ZC3H7B: variants seen among roughly 807,000 people sequenced by gnomAD.
The protein encoded by ZC3H7B is zinc finger CCCH-type containing 7B.
In ZC3H7B, 35 loss-of-function variants were observed where a neutral mutation model predicts 116.0. The ratio of observed to expected loss-of-function variants is 0.30; its 90% CI spans 0.23 to 0.40. The LOEUF is 0.40. ZC3H7B is among the 10% of genes least tolerant of loss of function. The pLI is 1.00. For missense variants in ZC3H7B, 1,011 were observed against 1,321.5 expected (o/e 0.77, Z 3.64); for synonymous variants, 502 against 545.6 (o/e 0.92, Z 1.11).
chr22:41,357,043 G>A lies in ZC3H7B; in HGVS notation c.2682-134G>A. The stretch of plus-strand genomic sequence containing the variant: ...ATCCCAGAGAGGGTCAGGACACCCA[G>A]GTTTTCCCTGAGCTGGGACCCAGCT... On this transcript the variant is annotated intron_variant, in intron 22 of 22. Coordinates refer to ENST00000352645, the MANE Select transcript of ZC3H7B (RefSeq NM_017590.6). This position sits in a 1 kb window ranked among gnomAD's most constrained non-coding sequence, Gnocchi z 5.4. 1 of 1,446,920 alleles carries A rather than the reference G, an allele frequency of 6.9e-7. No individual in the cohort carries two copies. The highest frequency in any genetic ancestry group is 1.4e-5 in the African/African-American group (1 of 71,054). The allele number at this position is 1,446,920 out of a possible 1,614,324, so 89.6% of individuals were successfully genotyped here.
In ZC3H7B at chr22:41,358,129, T is replaced by C. The variant is rs1190556259; in HGVS notation, c.*700T>C. ...AGAGATGATCCAGCCCAAACCCCAT[T>C]TTGCAGAGAGGAAAACTGAGGCCTA... On this transcript the variant is annotated 3_prime_UTR_variant, in exon 23 of 23. Transcript: ENST00000352645. 8.5e-5 allele frequency: 13 copies of C among 152,246 alleles called. No homozygotes were observed. Among genetic ancestry groups the C allele is most frequent in the Non-Finnish European group, 1.9e-4 (13 of 68,200 alleles). 9.4% of individuals were successfully genotyped at this position (152,246 alleles called of 1,614,324 possible).
Position 41,349,065 on chromosome 22 carries a change from A to G in ZC3H7B, c.1767-55A>G. 1 of 1,579,556 alleles carries G rather than the reference A, an allele frequency of 6.3e-7. No individual in the cohort carries two copies. Among genetic ancestry groups the G allele is most frequent in the Non-Finnish European group, 8.6e-7 (1 of 1,159,384 alleles). ...TGGGAAGGTGGCCCTACCAGGAGAG[A>G]AGGTCAGAGGGGCTGCGGACTGCAT... On this transcript the variant is annotated intron_variant, in intron 15 of 22. Transcript: ENST00000352645. The surrounding 1 kb of genome is among the most constrained non-coding windows in gnomAD (Gnocchi z 4.9).
intron 9 of ZC3H7B, among the ~76,000 whole-genome samples, chr22:41,339,529 G>A (rs1044142116): frequency 5.9e-5 from 9 of 152,006 alleles, no homozygotes; most frequent in African/African-American, 1.9e-4. Context: ...AGGAGGCTGA[G>A]GCCGGAGAAT....
chr22:41,324,060 ACT>A (rs1475432363), intron 2 of ZC3H7B, among the ~76,000 whole-genome samples: 4 of 151,230 alleles, frequency 2.6e-5, no homozygotes, highest in African/African-American at 9.7e-5. Flanking sequence ...ACACAGCGAG[ACT>A]CTGTCTGGAA....
rs1474452393 is a variant in ZC3H7B at position 41,302,445 on chromosome 22, G to A, written c.-7+673G>A. Among the ~76,000 whole-genome samples the A allele has an allele frequency of 2.6e-5, 4 of 152,108 alleles. No individual in the cohort carries two copies. The highest frequency in any genetic ancestry group is 5.9e-5 in the Non-Finnish European group (4 of 67,982). ...TTTCCGGTCGCAGGATCAGTCTCTG[G>A]ACTTCGAGGCCTGTGGGAGGCCCGC... On this transcript the variant is annotated intron_variant, in intron 1 of 22. Transcript: ENST00000352645. This position sits in a 1 kb window ranked among gnomAD's most constrained non-coding sequence, Gnocchi z 5.7.
intron 12 of ZC3H7B, among the ~76,000 whole-genome samples, chr22:41,343,119 G>A (rs755229607): frequency 6.6e-6 from 1 of 152,220 alleles, no homozygotes; most frequent in Non-Finnish European, 1.5e-5. Context: ...GTTGCAGTGA[G>A]TTGGGATCAC....
At chr22:41,348,275 G>A in intron 15 of ZC3H7B, 108 bp downstream of exon 15, 1 of 949,380 alleles carries the variant, frequency 1.1e-6, no homozygotes, top group South Asian at 1.4e-5. Context: ...GATGTAGGGT[G>A]CAAGGAAAGG....
intron 11 of ZC3H7B, 66 bp from the exon 12 acceptor site, chr22:41,342,463 C>A: frequency 6.6e-7 from 1 of 1,509,132 alleles, no homozygotes; most frequent in South Asian, 1.1e-5. Flanking sequence ...TTCTGGTGCC[C>A]TGGCTGGCCC....
At position 41,357,555 on chromosome 22, in the gene ZC3H7B, CCT is replaced by C; in HGVS notation, c.*127_*128del. On this transcript the variant is annotated 3_prime_UTR_variant, in exon 23 of 23. Coordinates refer to ENST00000352645, the MANE Select transcript of ZC3H7B (RefSeq NM_017590.6). The surrounding 1 kb of genome is among the most constrained non-coding windows in gnomAD (Gnocchi z 5.4). The stretch of plus-strand genomic sequence containing the variant: ...GCCCTCATCAGGCAGCCCCCAGCCC[CCT>C]GAGGCCCTGTCCATCTTCTCCCCAC... The C allele has an allele frequency of 9.6e-7, 1 of 1,039,082 alleles. No individual in the cohort carries two copies. The highest frequency in any genetic ancestry group is 1.3e-6 in the Non-Finnish European group (1 of 749,030). The allele number at this position is 1,039,082 out of a possible 1,614,324, so 64.4% of individuals were successfully genotyped here.
chr22:41,313,478 C>A (rs769968223), intron 1 of ZC3H7B, among the ~76,000 whole-genome samples: 5 of 152,120 alleles, frequency 3.3e-5, no homozygotes, highest in Non-Finnish European at 5.9e-5. Context: ...ATTGGCTTAG[C>A]CCAGTGAAGG....
In ZC3H7B at chr22:41,351,243, C is replaced by G. The variant is rs1432190512; in HGVS notation, c.1949-318C>G. Among the ~76,000 whole-genome samples, 1 of 152,186 alleles carries G rather than the reference C, an allele frequency of 6.6e-6. No individual in the cohort carries two copies. Among genetic ancestry groups the G allele is most frequent in the African/African-American group, 2.4e-5 (1 of 41,436 alleles). ...GGGGTCAGGGAAGGGTGCTGAGTCA[C>G]CGGCCCAAGAGACAGGGTCACTGGC... On this transcript the variant is annotated intron_variant, in intron 16 of 22. Transcript: ENST00000352645. The surrounding 1 kb of genome is among the most constrained non-coding windows in gnomAD (Gnocchi z 5.1).
At chr22:41,313,849 C>T (rs554602141) in intron 1 of ZC3H7B, among the ~76,000 whole-genome samples, 5 of 151,768 alleles carry the variant, frequency 3.3e-5, no homozygotes, top group South Asian at 2.1e-4. Context: ...CGGGTTCAAG[C>T]GATTCTCCCG....
chr22:41,338,481 C>A lies in ZC3H7B; in HGVS notation c.625+126C>A. 1 of 968,022 alleles carries A rather than the reference C, an allele frequency of 1.0e-6. No individual in the cohort carries two copies. Among genetic ancestry groups the A allele is most frequent in the Non-Finnish European group, 1.6e-6 (1 of 636,482 alleles). 60.0% of individuals were successfully genotyped at this position (968,022 alleles called of 1,614,324 possible). ...CCGAGGGGTTCCCCACCCTGGTACT[C>A]CCTGAGGCATGGGAGAAAACAGTGG... On this transcript the variant is annotated intron_variant, in intron 8 of 22. Transcript: ENST00000352645. The surrounding 1 kb of genome is among the most constrained non-coding windows in gnomAD (Gnocchi z 4.5).
rs1395103528 is a variant in ZC3H7B, at chr22:41,326,023, C to T, written c.285+105C>T. 12 of 1,308,110 alleles carry T rather than the reference C, an allele frequency of 9.2e-6. No homozygotes were observed. In the South Asian group the frequency reaches 1.3e-4, roughly 14 times the overall value. The allele number at this position is 1,308,110 out of a possible 1,614,324, so 81.0% of individuals were successfully genotyped here. On this transcript the variant is annotated intron_variant, in intron 4 of 22. Transcript: ENST00000352645. ...AGTGAGCCTGTAGACCAGGGCCAGC[C>T]TCCTCCCAGCCTGCTTTCAGAATTT... is the stretch of plus-strand genomic sequence containing the variant.
intron 18 of ZC3H7B, 42 bp from the exon 19 acceptor site, chr22:41,355,715 G>A (rs1352651068): frequency 1.2e-6 from 2 of 1,612,848 alleles, no homozygotes; most frequent in Non-Finnish European, 1.7e-6. Context: ...ACAGCACACA[G>A]GCTGTGCCCT....
In ZC3H7B at chr22:41,338,190, C is replaced by T. The variant is rs1432534998; in HGVS notation, c.583-123C>T. On this transcript the variant is annotated intron_variant, in intron 7 of 22. Transcript: ENST00000352645. This position sits in a 1 kb window ranked among gnomAD's most constrained non-coding sequence, Gnocchi z 4.5. Reference sequence around the variant, plus strand: ...GCCGCATGTGAGGGCTTTAATCTCCCCTGGCACTCTAAGTGCTCCTCGGTG... The same window carrying T: ...GCCGCATGTGAGGGCTTTAATCTCCTCTGGCACTCTAAGTGCTCCTCGGTG... 3 of 1,031,068 alleles carry T rather than the reference C, an allele frequency of 2.9e-6. No individual in the cohort carries two copies. In the African/African-American group the frequency reaches 4.8e-5, roughly 17 times the overall value. The allele number at this position is 1,031,068 out of a possible 1,614,324, so 63.9% of individuals were successfully genotyped here.
At chr22:41,354,096 A>G (rs932390817) in intron 17 of ZC3H7B, among the ~76,000 whole-genome samples, 11 of 152,182 alleles carry the variant, frequency 7.2e-5, no homozygotes, top group African/African-American at 2.7e-4. Flanking sequence ...TGGTGAGACT[A>G]TGCAGTCATC....
rs1378852229 is a variant in ZC3H7B at position 41,358,785 on chromosome 22, C to T, written c.*1356C>T. On this transcript the variant is annotated 3_prime_UTR_variant, in exon 23 of 23. Transcript: ENST00000352645. ...TGTCTGTGTGCACCCCCCTCCTCTCCACCCTACCTTCCATCAACCAGGGCA... is the reference window on the plus strand; with the variant it reads ...TGTCTGTGTGCACCCCCCTCCTCTCTACCCTACCTTCCATCAACCAGGGCA... The T allele has an allele frequency of 1.3e-5, 2 of 154,926 alleles. No individual in the cohort carries two copies. The highest frequency in any genetic ancestry group is 6.5e-5 in the Admixed American group (1 of 15,288). 9.6% of individuals were successfully genotyped at this position (154,926 alleles called of 1,614,324 possible). A position where few individuals can be genotyped will look rare whatever the true frequency, so the allele number is the denominator to read the frequency against.
Position 41,359,879 on chromosome 22 carries a change from G to C in ZC3H7B, c.*2450G>C, listed in dbSNP as rs1193661251. 2 of 104,986 alleles carry C rather than the reference G, an allele frequency of 1.9e-5. No homozygotes were observed. The highest frequency in any genetic ancestry group is 3.4e-5 in the Non-Finnish European group (2 of 58,434). 6.5% of individuals were successfully genotyped at this position (104,986 alleles called of 1,614,324 possible). ...ACCTGTGTTCCCCCCGGCAGGCAGG[G>C]ACAAGATGGCATGGCAAGCATGGGG... is the stretch of plus-strand genomic sequence containing the variant. On this transcript the variant is annotated 3_prime_UTR_variant, in exon 23 of 23. Transcript: ENST00000352645.
Sources: gnomAD v4.1 joint callset for allele counts (sites outside exome capture counted in the v4.1 genomes callset) on GRCh38, gnomAD v4.1.1 for gene constraint, Gnocchi (gnomAD v3.1) non-coding constraint, MANE v1.5 for transcripts, NCBI Gene and HGNC (gene_info 2026-07-23, HGNC 2026-07-21) for gene names.